The following ARPC1B variants were observed in gnomAD, a reference collection of about 807,000 sequenced individuals.
ARPC1B encodes the protein actin related protein 2/3 complex subunit 1B.
In ARPC1B, 29 loss-of-function variants were observed where a neutral mutation model predicts 46.0. That is an observed-to-expected ratio of 0.63 (90% CI 0.47 to 0.86). ARPC1B has a LOEUF of 0.86. Ranked by LOEUF, ARPC1B falls within the 40% of genes least tolerant of loss-of-function variation. The pLI is 0.00. For missense variants in ARPC1B, 469 were observed against 529.4 expected, an observed-to-expected ratio of 0.89 and a Z score of 1.12; for synonymous variants, 201 against 213.9, an observed-to-expected ratio of 0.94 and a Z score of 0.53.
At chr7:99,378,902 G>A (rs1209649581) in intron 1 of ARPC1B, among the ~76,000 whole-genome samples, 2 of 145,382 alleles carry the variant, frequency 1.4e-5, no homozygotes, top group South Asian at 2.4e-4. Context: ...TCAGCCTCCC[G>A]AGTAGCTGGG....
intron 7 of ARPC1B, chr7:99,392,194 T>A (rs1562818242): frequency 6.3e-6 from 1 of 158,354 alleles, no homozygotes. Context: ...GCCCACATTT[T>A]ATTGGCAGGT....
Position 99,385,701 on chromosome 7 carries a change from G to A in ARPC1B, c.-13-1G>A. 2.5e-6 allele frequency: 4 copies of A among 1,606,888 alleles called. No individual in the cohort carries two copies. The highest frequency in any genetic ancestry group is 3.4e-6 in the Non-Finnish European group (4 of 1,178,168). ...ATTCTCTCTTCCTCTCTCGGGCACA[G>A]GAGCCAAGCCGCCATGGCCTACCAC... On this transcript the variant is annotated splice_acceptor_variant, in intron 1 of 9. Transcript: ENST00000646101. LOFTEE classifies it low-confidence loss of function (5UTR_SPLICE).
At chr7:99,391,125 G>A (rs1794557277) in intron 6 of ARPC1B, 26 bp downstream of exon 6, 1 of 1,612,820 alleles carries the variant, frequency 6.2e-7, no homozygotes, top group Non-Finnish European at 8.5e-7. Flanking sequence ...CCCCAGGGGA[G>A]GAGGTGAGTG....
intron 1 of ARPC1B, among the ~76,000 whole-genome samples, chr7:99,381,420 G>A (rs1794218091): frequency 6.6e-6 from 1 of 152,198 alleles, no homozygotes; most frequent in East Asian, 1.9e-4. Flanking sequence ...GTGCATGTGT[G>A]TGTGCAAGGC....
intron 1 of ARPC1B, among the ~76,000 whole-genome samples, chr7:99,384,635 C>T (rs1794322923): frequency 6.6e-6 from 1 of 152,190 alleles, no homozygotes; most frequent in Non-Finnish European, 1.5e-5. Context: ...CTCGCCTAGC[C>T]CTGTGCCTCC....
intron 1 of ARPC1B, among the ~76,000 whole-genome samples, chr7:99,383,669 A>T (rs978208543): frequency 1.3e-5 from 2 of 152,152 alleles, no homozygotes; most frequent in Admixed American, 6.6e-5. Context: ...TACAGACTTG[A>T]GTGGCAGCAC....
rs1794515157 is a variant in ARPC1B, at chr7:99,389,979, TG to T, written c.468del (p.Leu157TrpfsTer38). The T allele has an allele frequency of 3.1e-6, 5 of 1,614,182 alleles. No homozygotes were observed. Among genetic ancestry groups the T allele is most frequent in the Non-Finnish European group, 4.2e-6 (5 of 1,180,024 alleles). On this transcript the variant is annotated frameshift_variant, in exon 5 of 10. Transcript: ENST00000646101. LOFTEE classifies it high-confidence loss of function. ...CTGGACTGGCACCCCAACAATGTGC[TG>T]CTGGCTGCCGGCTCCTGTGACTTCA... ...LSLDWHPNNV[L>X]LAAGSCDFKC... is the part of the protein sequence containing the mutation.
At chr7:99,376,820 A>G (rs1794041667) in intron 1 of ARPC1B, among the ~76,000 whole-genome samples, 1 of 151,650 alleles carries the variant, frequency 6.6e-6, no homozygotes, top group Non-Finnish European at 1.5e-5. Context: ...CGGTGAGCCA[A>G]GATCATGCCG....
intron 1 of ARPC1B, among the ~76,000 whole-genome samples, chr7:99,384,852 C>A (rs1794331603): frequency 6.9e-6 from 1 of 144,726 alleles, no homozygotes; most frequent in Admixed American, 6.9e-5. Flanking sequence ...TATGAGATTA[C>A]TTCATTTCTT....
In ARPC1B at chr7:99,386,775, A is replaced by C; in HGVS notation, c.155A>C (p.Asn52Thr). 6.2e-7 allele frequency: 1 copy of C among 1,613,728 alleles called. No homozygotes were observed. Among genetic ancestry groups the C allele is most frequent in the Non-Finnish European group, 8.5e-7 (1 of 1,179,738 alleles). Residue 52 changes from asparagine to threonine, a missense_variant, in exon 3 of 10, where the codon AAC (asparagine) becomes ACC (threonine). Transcript: ENST00000646101. ...AAGGTGCACGAGCTCAAGGAGCACAACGGGCAGGTGACAGGTATGTCAGGG... is the reference window on the plus strand; with the variant it reads ...AAGGTGCACGAGCTCAAGGAGCACACCGGGCAGGTGACAGGTATGTCAGGG... ...WTKVHELKEH[N>T]GQVTGIDWAP...
chr7:99,390,875 C>G lies in ARPC1B; in HGVS notation c.501-18C>G, dbSNP rs758934238. On this transcript the variant is annotated intron_variant, in intron 5 of 9. Coordinates refer to ENST00000646101, the MANE Select transcript of ARPC1B (RefSeq NM_005720.4). ...ACCATGCCTGGCTACTTTACCTCTA[C>G]TTTGCCTATCCCGGTAGGATCTTTT... is the stretch of plus-strand genomic sequence containing the variant. The G allele has an allele frequency of 5.7e-6, 9 of 1,583,872 alleles. No homozygotes were observed. The South Asian group carries it at 8.0e-5, about 14-fold the overall frequency.
rs1297198101 is a variant in ARPC1B, at chr7:99,386,732, A to T, written c.112A>T (p.Ser38Cys). 6.2e-7 allele frequency: 1 copy of T among 1,614,022 alleles called. No individual in the cohort carries two copies. The highest frequency in any genetic ancestry group is 8.5e-7 in the Non-Finnish European group (1 of 1,180,032). The change falls in exon 3 of 10, where the codon AGC (serine) becomes TGC (cysteine). Residue 38 changes from serine (S) to cysteine (C), a missense_variant. Transcript: ENST00000646101. ...CCATGAGGTGCATATCTATGAAAAGAGCGGTGCCAAATGGACCAAGGTGCA... is the reference window on the plus strand; with the variant it reads ...CCATGAGGTGCATATCTATGAAAAGTGCGGTGCCAAATGGACCAAGGTGCA... The part of the protein sequence containing the change: ...NNHEVHIYEK[S>C]GAKWTKVHEL...
At position 99,374,731 on chromosome 7, in the gene ARPC1B, G is replaced by C. The variant is rs1200137175; in HGVS notation, c.-64G>C. On this transcript the variant is annotated 5_prime_UTR_variant, in exon 1 of 10. Coordinates refer to ENST00000646101, the MANE Select transcript of ARPC1B (RefSeq NM_005720.4). The surrounding 1 kb of genome is among the most constrained non-coding windows in gnomAD (Gnocchi z 5.0). ...GGCTGCTGCTCCGGCGCGGAGCCCA[G>C]AGCCGGTTCGGCGCGTCGACTGCCC... The C allele has an allele frequency of 2.0e-5, 3 of 152,074 alleles. No homozygotes were observed. Among genetic ancestry groups the C allele is most frequent in the African/African-American group, 4.8e-5 (2 of 41,420 alleles). 9.4% of individuals were successfully genotyped at this position (152,074 alleles called of 1,614,324 possible). A position where few individuals can be genotyped will look rare whatever the true frequency, so the allele number is the denominator to read the frequency against.
rs765777936 is a variant in ARPC1B at position 99,388,056 on chromosome 7, G to C, written c.187G>C (p.Glu63Gln). The change falls in exon 4 of 10, where the codon GAG becomes CAG. Residue 63 changes from glutamate to glutamine, a missense_variant. By Grantham distance (29) the Glu-to-Gln change is conservative. Transcript: ENST00000646101. ...CCCCACAGGCATCGACTGGGCCCCCGAGAGTAACCGTATTGTGACCTGCGG... is the reference window on the plus strand; with the variant it reads ...CCCCACAGGCATCGACTGGGCCCCCCAGAGTAACCGTATTGTGACCTGCGG... ...GQVTGIDWAP[E>Q]SNRIVTCGTD... 1 of 1,604,626 alleles carries C rather than the reference G, an allele frequency of 6.2e-7. No individual in the cohort carries two copies. The highest frequency in any genetic ancestry group is 1.7e-5 in the Admixed American group (1 of 59,830).
chr7:99,392,953 TG>T, intron 8 of ARPC1B, 77 bp downstream of exon 8: 1 of 1,370,176 alleles, frequency 7.3e-7, no homozygotes, highest in Non-Finnish European at 9.8e-7. Context: ...GGAAGGGGCC[TG>T]GAGTCTTCCT....
rs530062761 is a variant in ARPC1B, at chr7:99,380,844, C to CT, written c.-13-4857dup. On this transcript the variant is annotated intron_variant, in intron 1 of 9. Transcript: ENST00000646101. ...TTCCTTCAGTCTGGGCCTCCTGGGG[C>CT]TGAAAGGGAGGGAAAAATTGGCCTC... 3.9e-5 allele frequency among the ~76,000 whole-genome samples: 6 copies of CT among 152,284 alleles called. No individual in the cohort carries two copies. The South Asian group carries it at 1.2e-3, about 32-fold the overall frequency.
chr7:99,394,334 A>G (rs1562820115), intron 9 of ARPC1B, 117 bp from the exon 10 acceptor site: 5 of 1,125,206 alleles, frequency 4.4e-6, no homozygotes, highest in Non-Finnish European at 6.7e-6. Flanking sequence ...ACAGACTCCA[A>G]AACTGCAGGT....
intron 7 of ARPC1B, 53 bp from the exon 8 acceptor site, chr7:99,392,618 C>A: frequency 7.0e-7 from 1 of 1,418,616 alleles, no homozygotes; most frequent in South Asian, 1.5e-5. Context: ...GGCCTTCCCT[C>A]CGGCCTCGGT....
At chr7:99,390,845 G>C (rs375689438) in intron 5 of ARPC1B, 48 bp from the exon 6 acceptor site, 3 of 1,522,680 alleles carry the variant, frequency 2.0e-6, no homozygotes, top group East Asian at 4.5e-5. Flanking sequence ...GTACAGGTGC[G>C]CACCACCATG....
Sources: gnomAD v4.1 joint callset for allele counts (sites outside exome capture counted in the v4.1 genomes callset) on GRCh38, gnomAD v4.1.1 for gene constraint, Gnocchi (gnomAD v3.1) non-coding constraint, MANE v1.5 for transcripts, NCBI Gene and HGNC (gene_info 2026-07-23, HGNC 2026-07-21) for gene names.